VAV2: variants seen among roughly 807,000 people sequenced by gnomAD.
VAV2 encodes the protein vav guanine nucleotide exchange factor 2.
VAV2 carries 67 observed loss-of-function variants against 132.5 expected under a neutral mutation model. The ratio of observed to expected loss-of-function variants is 0.51; its 90% CI spans 0.42 to 0.62. VAV2 has a LOEUF of 0.62. Among genes scored for constraint, VAV2 ranks in the 20% least tolerant of loss-of-function variants. The pLI is 0.00. For missense variants in VAV2, 938 were observed against 1,153.6 expected (o/e 0.81, Z 2.71); for synonymous variants, 492 against 443.5 (o/e 1.11, Z -1.37).
At chr9:133,958,804 C>A (rs180727984) in intron 1 of VAV2, among the ~76,000 whole-genome samples, 1 of 152,358 alleles carries the variant, frequency 6.6e-6, no homozygotes, top group African/African-American at 2.4e-5. Flanking sequence ...TCCATTCATC[C>A]TTCATTCATT....
chr9:133,842,913 G>A (rs1836782875), intron 3 of VAV2, among the ~76,000 whole-genome samples: 1 of 152,234 alleles, frequency 6.6e-6, no homozygotes, highest in Non-Finnish European at 1.5e-5. Context: ...AGCGTGGAGG[G>A]CCCGCCAGAC....
intron 1 of VAV2, among the ~76,000 whole-genome samples, chr9:133,974,458 G>A (rs1842441425): frequency 6.6e-6 from 1 of 152,114 alleles, no homozygotes; most frequent in South Asian, 2.1e-4. Context: ...ATCAGCAGTG[G>A]TCTCCGTTTG....
At chr9:133,789,170 T>C in intron 14 of VAV2, 88 bp downstream of exon 14, 2 of 1,439,010 alleles carry the variant, frequency 1.4e-6, no homozygotes, top group Non-Finnish European at 9.5e-7. Flanking sequence ...AAGGCCTGGC[T>C]TCCAGAGCCA....
At position 133,795,576 on chromosome 9, in the gene VAV2, A is replaced by C. The variant is rs1834676128; in HGVS notation, c.1101+92T>G. 15 of 1,504,752 alleles carry C rather than the reference A, an allele frequency of 1.0e-5. No individual in the cohort carries two copies. In the South Asian group the frequency reaches 1.4e-4, roughly 14 times the overall value. 93.2% of individuals were successfully genotyped at this position (1,504,752 alleles called of 1,614,324 possible). On this transcript the variant is annotated intron_variant, in intron 12 of 29. Coordinates refer to ENST00000371850, the MANE Select transcript of VAV2 (RefSeq NM_001134398.2). ...TGTCCCAGGAAACTGTCCACAGTCA[A>C]AACTGAGGCTCGTTAATGAGCCCAA...
At chr9:133,911,914 G>C (rs1839898713) in intron 2 of VAV2, among the ~76,000 whole-genome samples, 1 of 152,212 alleles carries the variant, frequency 6.6e-6, no homozygotes, top group South Asian at 2.1e-4. Flanking sequence ...AAGAAAGTAA[G>C]TCAGATTTTC....
intron 2 of VAV2, among the ~76,000 whole-genome samples, chr9:133,931,729 A>T (rs1840695711): frequency 6.6e-6 from 1 of 152,200 alleles, no homozygotes; most frequent in Admixed American, 6.5e-5. Flanking sequence ...GGGAAGCGGG[A>T]CCACTGTCCT....
chr9:133,821,684 G>T (rs939975014), intron 4 of VAV2, among the ~76,000 whole-genome samples: 1 of 152,210 alleles, frequency 6.6e-6, no homozygotes, highest in Non-Finnish European at 1.5e-5. Context: ...GTTGGATGGG[G>T]GTTGGTGCTG....
intron 2 of VAV2, among the ~76,000 whole-genome samples, chr9:133,888,945 G>C (rs1487228142): frequency 1.3e-5 from 2 of 152,194 alleles, no homozygotes; most frequent in Non-Finnish European, 2.9e-5. Context: ...CATTCGCAAG[G>C]AGACGACACG....
In VAV2 at chr9:133,804,392, C is replaced by T. The variant is rs1009099859; in HGVS notation, c.836+1689G>A. 2.0e-5 allele frequency among the ~76,000 whole-genome samples: 3 copies of T among 152,192 alleles called. No homozygotes were observed. Among genetic ancestry groups the T allele is most frequent in the African/African-American group, 4.8e-5 (2 of 41,452 alleles). ...TGGGCCTGTGACTGGACGTGCTGCC[C>T]GCACTGCAGTGGCGCTCCAAGGCAG... On this transcript the variant is annotated intron_variant, in intron 9 of 29. Coordinates refer to ENST00000371850, the MANE Select transcript of VAV2 (RefSeq NM_001134398.2). The surrounding 1 kb of genome is among the most constrained non-coding windows in gnomAD (Gnocchi z 4.5).
At position 133,768,274 on chromosome 9, in the gene VAV2, CCT is replaced by C. The variant is rs1395757151; in HGVS notation, c.2589+166_2589+167del. On this transcript the variant is annotated intron_variant, in intron 29 of 29. Transcript: ENST00000371850. The surrounding 1 kb of genome is among the most constrained non-coding windows in gnomAD (Gnocchi z 5.3). ...TAAACATCTGGAGCCTCGGTTTCCC[CCT>C]GTGAATGCCAACCTTCTGGGCTGCT... is the stretch of plus-strand genomic sequence containing the variant. 5.3e-5 allele frequency among the ~76,000 whole-genome samples: 8 copies of C among 152,108 alleles called. No homozygotes were observed. Among genetic ancestry groups the C allele is most frequent in the Non-Finnish European group, 2.9e-5 (2 of 68,016 alleles).
intron 1 of VAV2, among the ~76,000 whole-genome samples, chr9:133,960,938 C>G (rs1841946440): frequency 6.6e-6 from 1 of 152,206 alleles, no homozygotes; most frequent in South Asian, 2.1e-4. Context: ...TTGGAGAAGC[C>G]CAGGAGGATG....
At chr9:133,874,332 C>T (rs1013940954) in intron 2 of VAV2, among the ~76,000 whole-genome samples, 5 of 152,290 alleles carry the variant, frequency 3.3e-5, no homozygotes, top group African/African-American at 9.6e-5. Flanking sequence ...CTGGGCATCA[C>T]TCAGCGCTGC....
At chr9:133,852,224 G>C (rs1245551165) in intron 3 of VAV2, among the ~76,000 whole-genome samples, 1 of 151,886 alleles carries the variant, frequency 6.6e-6, no homozygotes, top group African/African-American at 2.4e-5. Flanking sequence ...ACAGGGAGAT[G>C]GGTGGCTTGG....
At chr9:133,876,310 G>T (rs1838260654) in intron 2 of VAV2, among the ~76,000 whole-genome samples, 2 of 152,260 alleles carry the variant, frequency 1.3e-5, no homozygotes, top group Admixed American at 6.5e-5. Flanking sequence ...ATTCAGGCAC[G>T]CCCTGCTCCC....
chr9:133,898,290 C>T (rs893358526), intron 2 of VAV2, among the ~76,000 whole-genome samples: 4 of 152,104 alleles, frequency 2.6e-5, no homozygotes, highest in Admixed American at 2.0e-4. Context: ...AGACCCTCAA[C>T]AGAAAGAGAC....
At chr9:133,956,428 T>C (rs1010653256) in intron 1 of VAV2, among the ~76,000 whole-genome samples, 1 of 152,172 alleles carries the variant, frequency 6.6e-6, no homozygotes, top group African/African-American at 2.4e-5. Flanking sequence ...GTACTCTGTC[T>C]TTCTACCTTT....
intron 2 of VAV2, among the ~76,000 whole-genome samples, chr9:133,864,645 T>C (rs1389348287): frequency 6.6e-6 from 1 of 152,246 alleles, no homozygotes; most frequent in Non-Finnish European, 1.5e-5. Flanking sequence ...CTCTGGGGCC[T>C]GGGAATCTGC....
chr9:133,913,206 A>G (rs1029901191), intron 2 of VAV2, among the ~76,000 whole-genome samples: 1 of 152,182 alleles, frequency 6.6e-6, no homozygotes, highest in African/African-American at 2.4e-5. Context: ...TCTGGGCTGG[A>G]ACACCCCCTG....
chr9:133,784,388 G>T lies in VAV2; in HGVS notation c.1563C>A (p.Ala521=), dbSNP rs756485845. Residue 521 remains alanine (A), a synonymous_variant, in exon 18 of 30, where the codon GCC becomes GCA. Coordinates refer to ENST00000371850, the MANE Select transcript of VAV2 (RefSeq NM_001134398.2). The stretch of plus-strand genomic sequence containing the variant: ...TGTACATCTGGAAACTGTGGTGGTT[G>T]GCATTGGCTTTGTCTGGCTTGATGT... The part of the protein sequence containing the change: ...MSNIKPDKAN[A]NHHSFQMYTF... The T allele has an allele frequency of 5.0e-6, 8 of 1,614,104 alleles. No individual in the cohort carries two copies. Among genetic ancestry groups the T allele is most frequent in the Non-Finnish European group, 5.9e-6 (7 of 1,180,038 alleles).
Sources: gnomAD v4.1 joint callset for allele counts (sites outside exome capture counted in the v4.1 genomes callset) on GRCh38, gnomAD v4.1.1 for gene constraint, Gnocchi (gnomAD v3.1) non-coding constraint, MANE v1.5 for transcripts, NCBI Gene and HGNC (gene_info 2026-07-23, HGNC 2026-07-21) for gene names.